Variants in PTPRJ observed in about 807,000 individuals in gnomAD.
PTPRJ encodes receptor-type tyrosine-protein phosphatase eta.
PTPRJ carries 129 observed loss-of-function variants against 141.3 expected under a neutral mutation model. The ratio of observed to expected loss-of-function variants is 0.91; its 90% CI spans 0.79 to 1.06. The LOEUF is 1.06. Among genes scored for constraint, PTPRJ ranks in the 50% least tolerant of loss-of-function variants. The probability of loss-of-function intolerance (pLI) is 0.00; values close to 1 mark genes in which losing one functional copy is unlikely to be tolerated. For synonymous variants in PTPRJ, 610 were observed against 640.5 expected (o/e 0.95, Z 0.72); for missense variants, 1,601 against 1,679.7 (o/e 0.95, Z 0.82).
chr11:47,994,668 A>AAAAT (rs371159255), intron 1 of PTPRJ, among the ~76,000 whole-genome samples: 2,660 of 152,106 alleles, frequency 0.017, 50 homozygotes, highest in African/African-American at 0.036. Context: ...CTGTCTCAAA[A>AAAAT]AAATAAATAA....
intron 1 of PTPRJ, among the ~76,000 whole-genome samples, chr11:48,035,573 G>C (rs1226564186): frequency 9.4e-6 from 1 of 105,962 alleles, no homozygotes; most frequent in South Asian, 2.6e-4. Context: ...TTTAGTTTAT[G>C]GGAAAGGGAG....
At chr11:48,138,851 C>T (rs1857164864) in intron 10 of PTPRJ, among the ~76,000 whole-genome samples, 1 of 152,086 alleles carries the variant, frequency 6.6e-6, no homozygotes, top group Non-Finnish European at 1.5e-5. Flanking sequence ...TCAAGAGGGC[C>T]TTGGCTGGGC....
At chr11:48,148,047 G>A (rs1857393574) in intron 15 of PTPRJ, among the ~76,000 whole-genome samples, 1 of 152,124 alleles carries the variant, frequency 6.6e-6, no homozygotes, top group African/African-American at 2.4e-5. Flanking sequence ...GTTTCACCAT[G>A]TTGGCCAGGC....
intron 11 of PTPRJ, among the ~76,000 whole-genome samples, chr11:48,141,797 A>G (rs1166938482): frequency 2.0e-5 from 3 of 152,118 alleles, no homozygotes; most frequent in East Asian, 3.8e-4. Context: ...TTCTTACTCT[A>G]ATGATGGTTT....
chr11:48,005,116 C>T (rs1430101893), intron 1 of PTPRJ, among the ~76,000 whole-genome samples: 1 of 151,704 alleles, frequency 6.6e-6, no homozygotes, highest in South Asian at 2.1e-4. Flanking sequence ...CACCTGCTTG[C>T]GAGGCTGAGG....
chr11:48,053,764 G>T (rs915278713), intron 1 of PTPRJ, among the ~76,000 whole-genome samples: 1 of 148,802 alleles, frequency 6.7e-6, no homozygotes, highest in African/African-American at 2.5e-5. Context: ...TTTAGTAGAG[G>T]CAGGGTTTCA....
chr11:48,039,463 TG>T (rs201710385), intron 1 of PTPRJ, among the ~76,000 whole-genome samples: 6 of 108,910 alleles, frequency 5.5e-5, no homozygotes, highest in Admixed American at 2.0e-4. Flanking sequence ...TACAACACTA[TG>T]GTGTGTGTGT....
chr11:48,159,419 G>T (rs986911333), intron 21 of PTPRJ, among the ~76,000 whole-genome samples: 1 of 152,166 alleles, frequency 6.6e-6, no homozygotes, highest in Non-Finnish European at 1.5e-5. Context: ...TACTCTAGGG[G>T]CAAAGGGAGC....
chr11:48,124,926 C>T (rs1424121480), intron 5 of PTPRJ, 42 bp from the exon 6 acceptor site: 40 of 1,596,944 alleles, frequency 2.5e-5, no homozygotes, highest in Non-Finnish European at 3.3e-5. Context: ...GGATGTGTCC[C>T]TCTTGTGGTT....
chr11:48,116,108 A>G (rs905242447), intron 3 of PTPRJ, among the ~76,000 whole-genome samples: 1 of 151,900 alleles, frequency 6.6e-6, no homozygotes, highest in Non-Finnish European at 1.5e-5. Context: ...TTCTCCAATC[A>G]AAAGACATAG....
rs146272819 is a variant in PTPRJ at position 48,169,173 on chromosome 11, G to A, written c.*1811G>A. The stretch of plus-strand genomic sequence containing the variant: ...CCCGGCTGTGGTTCGGAGGGTTAGT[G>A]CTGTATGCCTTTTATTTCCCTTTCC... On this transcript the variant is annotated 3_prime_UTR_variant, in exon 25 of 25. Transcript: ENST00000418331. 191 of 152,300 alleles carry A rather than the reference G, an allele frequency of 1.3e-3. No individual in the cohort carries two copies. The highest frequency in any genetic ancestry group is 4.4e-3 in the African/African-American group (182 of 41,556). 9.4% of individuals were successfully genotyped at this position (152,300 alleles called of 1,614,324 possible).
intron 22 of PTPRJ, among the ~76,000 whole-genome samples, chr11:48,162,948 T>G (rs1431924599): frequency 6.6e-6 from 1 of 152,216 alleles, no homozygotes; most frequent in African/African-American, 2.4e-5. Flanking sequence ...CTTTATTCAC[T>G]TCTCTAGGGG....
chr11:48,140,633 C>T (rs899753054), intron 11 of PTPRJ, among the ~76,000 whole-genome samples: 3 of 152,098 alleles, frequency 2.0e-5, no homozygotes, highest in Non-Finnish European at 4.4e-5. Context: ...CGCATACTTG[C>T]GAGGTTGCTG....
chr11:48,069,762 T>G (rs866616290), intron 1 of PTPRJ, among the ~76,000 whole-genome samples: 4 of 152,138 alleles, frequency 2.6e-5, no homozygotes, highest in African/African-American at 9.7e-5. Context: ...GACAATTAAT[T>G]TGTTTATGGA....
At chr11:48,030,772 TAAAG>T (rs1212342497) in intron 1 of PTPRJ, among the ~76,000 whole-genome samples, 9 of 151,922 alleles carry the variant, frequency 5.9e-5, no homozygotes, top group African/African-American at 1.9e-4. Flanking sequence ...AATAAAATAA[TAAAG>T]AGGAGGCCTT....
chr11:48,135,029 TGAGATATAATATACATACCGAAAAG>T (rs1857058666), intron 8 of PTPRJ, among the ~76,000 whole-genome samples: 1 of 152,164 alleles, frequency 6.6e-6, no homozygotes, highest in African/African-American at 2.4e-5. Context: ...ACCTCTTTAT[TGAGATATAATATACATACCGAAAAG>T]GGATGTATCC....
At chr11:48,132,283 C>T (rs899353576) in intron 8 of PTPRJ, 34 of 984,378 alleles carry the variant, frequency 3.5e-5, no homozygotes, top group Non-Finnish European at 4.0e-5. Flanking sequence ...CACCCATCGT[C>T]CCAGCTACTT....
At chr11:48,142,231 G>A (rs1857248340) in intron 11 of PTPRJ, among the ~76,000 whole-genome samples, 1 of 152,134 alleles carries the variant, frequency 6.6e-6, no homozygotes, top group Admixed American at 6.5e-5. Flanking sequence ...TTAATATACT[G>A]TTTTAATTAC....
chr11:48,163,958 C>T (rs1857848841), intron 23 of PTPRJ, among the ~76,000 whole-genome samples: 1 of 152,200 alleles, frequency 6.6e-6, no homozygotes, highest in Non-Finnish European at 1.5e-5. Context: ...TGTTAACTAT[C>T]TGGCCCTTTA....
Sources: gnomAD v4.1 joint callset for allele counts (sites outside exome capture counted in the v4.1 genomes callset) on GRCh38, gnomAD v4.1.1 for gene constraint, MANE v1.5 for transcripts, NCBI Gene and HGNC (gene_info 2026-07-23, HGNC 2026-07-21) for gene names.